FHIT: variants seen among roughly 807,000 people sequenced by gnomAD.
FHIT encodes the protein fragile histidine triad diadenosine triphosphatase.
Under a neutral mutation model 17.9 loss-of-function variants are expected in FHIT, and 19 were observed. The ratio of observed to expected loss-of-function variants is 1.06; its 90% CI spans 0.74 to 1.56. FHIT has a LOEUF of 1.56. FHIT is among the 40% of genes most tolerant of loss of function. The pLI, the probability that FHIT is intolerant of heterozygous loss-of-function variation, is 0.00. For missense variants in FHIT, 248 were observed against 189.2 expected, an observed-to-expected ratio of 1.31 and a Z score of -1.82; for synonymous variants, 81 against 69.7, an observed-to-expected ratio of 1.16 and a Z score of -0.81.
intron 5 of FHIT, among the ~76,000 whole-genome samples, chr3:60,114,489 C>CATTTTTTTTT (rs1704860358): frequency 1.6e-5 from 1 of 61,602 alleles, no homozygotes; most frequent in African/African-American, 6.3e-5. Context: ...AAGAGAAATC[C>CATTTTTTTTT]TTTTTTTTTT....
At chr3:60,162,516 T>C (rs1700985236) in intron 5 of FHIT, among the ~76,000 whole-genome samples, 1 of 152,196 alleles carries the variant, frequency 6.6e-6, no homozygotes, top group Non-Finnish European at 1.5e-5. Flanking sequence ...GACCATGGGA[T>C]CATAGTAGTG....
intron 3 of FHIT, among the ~76,000 whole-genome samples, chr3:60,938,855 G>T (rs1331363509): frequency 1.3e-5 from 2 of 152,148 alleles, no homozygotes; most frequent in East Asian, 3.9e-4. Context: ...ATTTGAATGG[G>T]AAAGCCTTTC....
At chr3:60,293,777 C>T (rs1708089218) in intron 5 of FHIT, among the ~76,000 whole-genome samples, 1 of 152,144 alleles carries the variant, frequency 6.6e-6, no homozygotes, top group African/African-American at 2.4e-5. Flanking sequence ...AATTTAAGGG[C>T]TCACAAAATG....
chr3:59,750,094 T>G lies in FHIT; in HGVS notation c.*6-515A>C, dbSNP rs534743794. On this transcript the variant is annotated intron_variant, in intron 9 of 9. Coordinates refer to ENST00000492590, the MANE Select transcript of FHIT (RefSeq NM_002012.4). ...GGGTAAATATCTTTCTGGTAAGATG[T>G]ACAAGGGAAGTCAATTTACCTGGAA... The G allele has an allele frequency of 1.2e-4, 28 of 226,368 alleles. No homozygotes were observed. In the South Asian group the frequency reaches 4.8e-3, roughly 38 times the overall value. The allele number at this position is 226,368 out of a possible 1,614,324, so 14.0% of individuals were successfully genotyped here. A position where few individuals can be genotyped will look rare whatever the true frequency, so the allele number is the denominator to read the frequency against.
intron 5 of FHIT, among the ~76,000 whole-genome samples, chr3:60,290,627 A>G (rs548755461): frequency 6.6e-6 from 1 of 152,158 alleles, no homozygotes; most frequent in Non-Finnish European, 1.5e-5. Flanking sequence ...CTTATCAAGG[A>G]AAGGTCTAGA....
chr3:60,869,880 T>G (rs782564081), intron 3 of FHIT, among the ~76,000 whole-genome samples: 3 of 152,150 alleles, frequency 2.0e-5, no homozygotes, highest in Non-Finnish European at 4.4e-5. Flanking sequence ...AAGAGGAATG[T>G]CTGTTCTTGA....
intron 5 of FHIT, among the ~76,000 whole-genome samples, chr3:60,265,091 T>A (rs1455803322): frequency 6.6e-6 from 1 of 151,974 alleles, no homozygotes; most frequent in Non-Finnish European, 1.5e-5. Flanking sequence ...CTCCTGTTTA[T>A]CTTCAATGGC....
intron 5 of FHIT, among the ~76,000 whole-genome samples, chr3:60,048,385 C>T (rs1559581745): frequency 6.6e-6 from 1 of 152,134 alleles, no homozygotes; most frequent in Non-Finnish European, 1.5e-5. Flanking sequence ...ACTATGTTAG[C>T]CAGGATGGGC....
intron 6 of FHIT, among the ~76,000 whole-genome samples, chr3:60,011,730 G>A (rs1038097924): frequency 2.0e-5 from 3 of 152,156 alleles, no homozygotes; most frequent in African/African-American, 7.2e-5. Context: ...ACACCTTCTG[G>A]TTATGTTTAG....
intron 4 of FHIT, among the ~76,000 whole-genome samples, chr3:60,789,175 TAG>T (rs59757824): frequency 0.041 from 4,190 of 102,494 alleles, 112 homozygotes; most frequent in African/African-American, 0.09. Flanking sequence ...TATATATATA[TAG>T]AGAGAGAGAG....
At position 61,092,963 on chromosome 3, in the gene FHIT, C is replaced by T. The variant is rs111352083; in HGVS notation, c.-163-50864G>A. On this transcript the variant is annotated intron_variant, in intron 2 of 9. Transcript: ENST00000492590. ...ATACAGAGTCTGATTAATTTGAAGC[C>T]CTAAACAACTCTGTAGCTCAGTGAA... Among the ~76,000 whole-genome samples, 951 of 152,156 alleles carry T rather than the reference C, an allele frequency of 6.3e-3. 10 individuals are homozygous for T. Among genetic ancestry groups the T allele is most frequent in the African/African-American group, 0.022 (913 of 41,508 alleles).
At chr3:60,664,472 C>G (rs1208504578) in intron 4 of FHIT, among the ~76,000 whole-genome samples, 6 of 151,710 alleles carry the variant, frequency 4.0e-5, no homozygotes, top group African/African-American at 1.5e-4. Context: ...TCTTCTTTGC[C>G]TGGTTTTGGT....
At chr3:61,003,713 G>C (rs971312385) in intron 3 of FHIT, among the ~76,000 whole-genome samples, 1 of 152,168 alleles carries the variant, frequency 6.6e-6, no homozygotes, top group African/African-American at 2.4e-5. Context: ...AAAGTCCAAA[G>C]AGAAGAAAAA....
intron 8 of FHIT, among the ~76,000 whole-genome samples, chr3:59,857,545 A>G (rs932440095): frequency 3.7e-4 from 56 of 151,880 alleles, no homozygotes; most frequent in African/African-American, 1.3e-3. Context: ...TACAAATAAT[A>G]TTCCACCCTA....
At chr3:60,606,906 T>G (rs1351506500) in intron 4 of FHIT, among the ~76,000 whole-genome samples, 1 of 152,182 alleles carries the variant, frequency 6.6e-6, no homozygotes, top group Non-Finnish European at 1.5e-5. Flanking sequence ...AAATTCCTTT[T>G]CTACTTATAT....
chr3:60,280,212 A>C (rs75195637), intron 5 of FHIT, among the ~76,000 whole-genome samples: 3,463 of 152,206 alleles, frequency 0.023, 60 homozygotes, highest in Middle Eastern at 0.068. Flanking sequence ...GGAATAGATG[A>C]AACTTCGTCA....
At chr3:61,217,163 T>TA (rs986242882) in intron 1 of FHIT, among the ~76,000 whole-genome samples, 3 of 151,854 alleles carry the variant, frequency 2.0e-5, no homozygotes, top group African/African-American at 7.3e-5. Context: ...AATAAAAAAA[T>TA]AAAAATAAAA....
chr3:61,041,619 C>T (rs941616029), intron 3 of FHIT, among the ~76,000 whole-genome samples: 17 of 150,842 alleles, frequency 1.1e-4, no homozygotes, highest in Non-Finnish European at 1.8e-4. Flanking sequence ...TTCCTCCTTA[C>T]GAAGATAGAA....
chr3:60,560,857 A>AGAGT (rs1272768614), intron 4 of FHIT, among the ~76,000 whole-genome samples: 5 of 143,226 alleles, frequency 3.5e-5, no homozygotes, highest in Non-Finnish European at 6.1e-5. Flanking sequence ...AGAGAGAGAG[A>AGAGT]GTGTGTGTGT....
Sources: allele counts gnomAD v4.1 joint callset (sites outside exome capture counted in the v4.1 genomes callset), GRCh38; gene constraint gnomAD v4.1.1; transcripts MANE v1.5; gene names NCBI Gene and HGNC (gene_info 2026-07-23, HGNC 2026-07-21).